Variants in PRKCA observed in about 807,000 individuals in gnomAD.
PRKCA encodes the protein protein kinase C alpha type.
PRKCA carries 27 observed loss-of-function variants against 87.0 expected under a neutral mutation model. The observed-to-expected ratio is 0.31, with a 90% CI of 0.23 to 0.43. The LOEUF is 0.43. Among genes scored for constraint, PRKCA ranks in the 20% least tolerant of loss-of-function variants. PRKCA has a pLI of 1.00. For synonymous variants in PRKCA, 329 were observed against 311.1 expected, an observed-to-expected ratio of 1.06 and a Z score of -0.61; for missense variants, 518 against 852.3, an observed-to-expected ratio of 0.61 and a Z score of 4.88.
intron 4 of PRKCA, 55 bp from the exon 5 acceptor site, chr17:66,645,328 G>C: frequency 6.2e-7 from 1 of 1,611,126 alleles, no homozygotes; most frequent in Non-Finnish European, 8.5e-7. Context: ...AAACACTGAG[G>C]AGCGGTGGTT....
At chr17:66,383,874 T>C (rs1470064956) in intron 2 of PRKCA, among the ~76,000 whole-genome samples, 1 of 151,838 alleles carries the variant, frequency 6.6e-6, no homozygotes, top group Non-Finnish European at 1.5e-5. Context: ...AGCTTGAACC[T>C]GGGAGGCAGA....
intron 3 of PRKCA, among the ~76,000 whole-genome samples, chr17:66,617,892 C>T (rs1598818145): frequency 6.6e-6 from 1 of 152,278 alleles, no homozygotes; most frequent in Non-Finnish European, 1.5e-5. Context: ...GGCCAAGAGG[C>T]AGCAGGCTAA....
At chr17:66,595,554 G>A (rs1346244805) in intron 3 of PRKCA, among the ~76,000 whole-genome samples, 1 of 146,330 alleles carries the variant, frequency 6.8e-6, no homozygotes, top group Non-Finnish European at 1.5e-5. Flanking sequence ...CCGCCTCCCA[G>A]GTTCACGCTA....
intron 8 of PRKCA, among the ~76,000 whole-genome samples, chr17:66,718,398 G>T (rs1334062971): frequency 6.6e-6 from 1 of 152,134 alleles, no homozygotes; most frequent in Non-Finnish European, 1.5e-5. Context: ...CTGCATCCTC[G>T]AATTCCTGGG....
At chr17:66,802,923 G>T (rs942797891) in intron 16 of PRKCA, among the ~76,000 whole-genome samples, 2 of 152,182 alleles carry the variant, frequency 1.3e-5, no homozygotes, top group African/African-American at 4.8e-5. Context: ...TCATTCTTAG[G>T]ATCCTTAGTG....
At chr17:66,693,776 G>A (rs1972842922) in intron 8 of PRKCA, among the ~76,000 whole-genome samples, 1 of 152,168 alleles carries the variant, frequency 6.6e-6, no homozygotes, top group South Asian at 2.1e-4. Context: ...ATTCAAGTCT[G>A]CCGTTGCAGC....
intron 3 of PRKCA, among the ~76,000 whole-genome samples, chr17:66,570,639 T>C (rs1337834642): frequency 6.6e-6 from 1 of 152,180 alleles, no homozygotes; most frequent in Non-Finnish European, 1.5e-5. Flanking sequence ...GCTTTAGCTC[T>C]TTTTCGGGCT....
Position 66,469,909 on chromosome 17 carries a change from C to T in PRKCA, c.206-26292C>T, listed in dbSNP as rs1424041945. ...ACCTCTAGGATCCAGTGAGTATCCA[C>T]AAACTTAGAGCACTGCGAAGGAAAC... On this transcript the variant is annotated intron_variant, in intron 2 of 16. Transcript: ENST00000413366. Among the ~76,000 whole-genome samples the T allele has an allele frequency of 1.3e-5, 2 of 152,160 alleles. 1 individual carries two copies. The highest frequency in any genetic ancestry group is 2.9e-5 in the Non-Finnish European group (2 of 68,036).
At chr17:66,562,046 ATATATATAATTAAATATATATAATTAAAT>A (rs1968697597) in intron 3 of PRKCA, among the ~76,000 whole-genome samples, 1 of 129,164 alleles carries the variant, frequency 7.7e-6, no homozygotes, top group African/African-American at 2.7e-5. Context: ...CAATTTAATT[ATATATATAATTAAATATATATAATTAAAT>A]TATATATATA....
intron 2 of PRKCA, among the ~76,000 whole-genome samples, chr17:66,453,642 C>G (rs1353300742): frequency 6.6e-6 from 1 of 152,114 alleles, no homozygotes; most frequent in Admixed American, 6.5e-5. Context: ...AACTGCCCTG[C>G]TTGCCTCCCT....
chr17:66,578,834 G>A (rs745446752), intron 3 of PRKCA, among the ~76,000 whole-genome samples: 1 of 152,094 alleles, frequency 6.6e-6, no homozygotes. Context: ...AGCCGTCCTC[G>A]GGCCCCCTTG....
chr17:66,393,994 G>A (rs1285065499), intron 2 of PRKCA, among the ~76,000 whole-genome samples: 1 of 151,992 alleles, frequency 6.6e-6, no homozygotes, highest in East Asian at 1.9e-4. Context: ...AGAATCGCTC[G>A]AACCTGGGAG....
In PRKCA at chr17:66,688,407, G is replaced by C; in HGVS notation, c.792G>C (p.Ser264=). 6.2e-7 allele frequency: 1 copy of C among 1,614,094 alleles called. No homozygotes were observed. The change falls in exon 7 of 17, where the codon TCG becomes TCC. Residue 264 remains serine (S), a synonymous_variant. Transcript: ENST00000413366. ...TGGGATCCCTTTCCTTTGGAGTTTC[G>C]GAGCTGATGAAGATGCCGGCCAGTG... ...DFMGSLSFGV[S]ELMKMPASGW...
intron 2 of PRKCA, among the ~76,000 whole-genome samples, chr17:66,444,841 T>C (rs1405771229): frequency 6.6e-6 from 1 of 152,154 alleles, no homozygotes; most frequent in African/African-American, 2.4e-5. Flanking sequence ...AAGAGCAAAA[T>C]ATAATTTTCT....
At chr17:66,722,343 T>C (rs1285693360) in intron 8 of PRKCA, among the ~76,000 whole-genome samples, 1 of 152,192 alleles carries the variant, frequency 6.6e-6, no homozygotes, top group Non-Finnish European at 1.5e-5. Context: ...CAGCCCCTCA[T>C]AGATATACAA....
rs879706690 is a variant in PRKCA at position 66,541,702 on chromosome 17, G to A, written c.288+45419G>A. 9.2e-5 allele frequency among the ~76,000 whole-genome samples: 14 copies of A among 152,202 alleles called. 1 individual carries two copies. Among genetic ancestry groups the A allele is most frequent in the Non-Finnish European group, 4.4e-5 (3 of 68,044 alleles). ...ACAAGCCACAAAGACTTTTTGAGGC[G>A]ACAGGTTATGCCAAAAATTAAGTAA... is the stretch of plus-strand genomic sequence containing the variant. On this transcript the variant is annotated intron_variant, in intron 3 of 16. Transcript: ENST00000413366.
At chr17:66,398,399 T>C (rs1336554527) in intron 2 of PRKCA, among the ~76,000 whole-genome samples, 2 of 152,334 alleles carry the variant, frequency 1.3e-5, no homozygotes, top group East Asian at 3.9e-4. Context: ...AAGTGAATAG[T>C]GGCTCATGAT....
chr17:66,625,368 A>G (rs764020939), intron 3 of PRKCA, among the ~76,000 whole-genome samples: 1 of 152,232 alleles, frequency 6.6e-6, no homozygotes, highest in Non-Finnish European at 1.5e-5. Flanking sequence ...CAGAAGTGCA[A>G]TGACAACAGG....
intron 2 of PRKCA, among the ~76,000 whole-genome samples, chr17:66,365,728 A>C (rs1277466137): frequency 1.3e-5 from 2 of 152,204 alleles, no homozygotes; most frequent in African/African-American, 4.8e-5. Flanking sequence ...CTGAGAAAAC[A>C]GACGTATGAA....
Sources: allele counts gnomAD v4.1 joint callset (sites outside exome capture counted in the v4.1 genomes callset), GRCh38; gene constraint gnomAD v4.1.1; transcripts MANE v1.5; gene names NCBI Gene and HGNC (gene_info 2026-07-23, HGNC 2026-07-21).